PPP3CC: variants seen among roughly 807,000 people sequenced by gnomAD.
The protein encoded by PPP3CC is protein phosphatase 3 catalytic subunit gamma.
A neutral mutation model predicts 60.3 loss-of-function variants in PPP3CC; 35 were observed. The observed-to-expected ratio is 0.58, with a 90% CI of 0.44 to 0.77. PPP3CC has a LOEUF of 0.77. PPP3CC is among the 30% of genes least tolerant of loss of function. The pLI, the probability that PPP3CC is intolerant of heterozygous loss-of-function variation, is 0.00. For synonymous variants in PPP3CC, 206 were observed against 224.3 expected, an observed-to-expected ratio of 0.92 and a Z score of 0.73; for missense variants, 570 against 628.9, an observed-to-expected ratio of 0.91 and a Z score of 1.00.
intron 12 of PPP3CC, among the ~76,000 whole-genome samples, 158 bp downstream of exon 12, chr8:22,533,176 G>GA (rs1301958863): frequency 6.6e-6 from 1 of 152,162 alleles, no homozygotes; most frequent in Non-Finnish European, 1.5e-5. Context: ...CCTCCATACA[G>GA]AAAACCTAAA....
chr8:22,528,729 A>C (rs1289313909), intron 10 of PPP3CC, 152 bp downstream of exon 10: 2 of 591,410 alleles, frequency 3.4e-6, no homozygotes, highest in African/African-American at 3.8e-5. Context: ...AGAAACCATA[A>C]ATAAGGAAAA....
At chr8:22,494,010 G>T (rs1300180129) in intron 3 of PPP3CC, among the ~76,000 whole-genome samples, 3 of 152,098 alleles carry the variant, frequency 2.0e-5, no homozygotes, top group Non-Finnish European at 2.9e-5. Flanking sequence ...CATCACTAGG[G>T]TGTAGGAATT....
rs145783198 is a variant in PPP3CC, at chr8:22,511,067, G to T, written c.485-19G>T. 1.2e-6 allele frequency: 2 copies of T among 1,612,166 alleles called. No individual in the cohort carries two copies. Among genetic ancestry groups the T allele is most frequent in the Non-Finnish European group, 1.7e-6 (2 of 1,178,872 alleles). Reference sequence around the variant, plus strand: ...ATACGTTTTAGTTCTTCCATTGACTGGTTTTCCTTTTTTGTTAGGTCGAAT... The same window carrying T: ...ATACGTTTTAGTTCTTCCATTGACTTGTTTTCCTTTTTTGTTAGGTCGAAT... On this transcript the variant is annotated intron_variant, in intron 4 of 13. Coordinates refer to ENST00000240139, the MANE Select transcript of PPP3CC (RefSeq NM_005605.5).
intron 1 of PPP3CC, among the ~76,000 whole-genome samples, chr8:22,470,569 G>A (rs1324001698): frequency 8.6e-5 from 13 of 152,046 alleles, no homozygotes; most frequent in Admixed American, 6.6e-4. Context: ...CAGTCAATAA[G>A]AAAAGATACT....
chr8:22,475,601 G>T lies in PPP3CC; in HGVS notation c.349G>T (p.Asp117Tyr). 6.2e-7 allele frequency: 1 copy of T among 1,613,370 alleles called. No individual in the cohort carries two copies. The highest frequency in any genetic ancestry group is 8.5e-7 in the Non-Finnish European group (1 of 1,179,490). ...TRYLFLGDYV[D>Y]RGYFSIECVL... ...CTACCTCTTTCTGGGTGACTATGTGGACAGAGGCTATTTCAGTATAGAGGT... is the reference window on the plus strand; with the variant it reads ...CTACCTCTTTCTGGGTGACTATGTGTACAGAGGCTATTTCAGTATAGAGGT... Residue 117 changes from aspartate (D) to tyrosine (Y), a missense_variant, in exon 3 of 14, where the codon GAC becomes TAC. Physicochemically the swap from Asp to Tyr is radical, Grantham distance 160. Coordinates refer to ENST00000240139, the MANE Select transcript of PPP3CC (RefSeq NM_005605.5).
intron 1 of PPP3CC, among the ~76,000 whole-genome samples, chr8:22,461,997 G>A (rs1407069052): frequency 1.3e-5 from 2 of 152,224 alleles, no homozygotes; most frequent in African/African-American, 4.8e-5. Flanking sequence ...TGCATTGGGA[G>A]TCTAGGATGG....
intron 3 of PPP3CC, 39 bp from the exon 4 acceptor site, chr8:22,497,962 G>C: frequency 7.2e-7 from 1 of 1,384,018 alleles, no homozygotes; most frequent in Non-Finnish European, 1.0e-6. Context: ...GCATTATAAT[G>C]GTCACAAAGA....
intron 1 of PPP3CC, among the ~76,000 whole-genome samples, chr8:22,454,681 A>G (rs1837139552): frequency 6.6e-6 from 1 of 152,134 alleles, no homozygotes; most frequent in Admixed American, 6.6e-5. Context: ...CTCCATTATA[A>G]TCTTACAGGA....
chr8:22,450,246 C>T (rs1836971302), intron 1 of PPP3CC, among the ~76,000 whole-genome samples: 1 of 151,974 alleles, frequency 6.6e-6, no homozygotes, highest in Admixed American at 6.6e-5. Context: ...CCAAATATTA[C>T]CCAGACAGTT....
intron 10 of PPP3CC, among the ~76,000 whole-genome samples, chr8:22,529,746 A>G (rs1839653208): frequency 6.6e-6 from 1 of 152,162 alleles, no homozygotes; most frequent in Non-Finnish European, 1.5e-5. Flanking sequence ...CGGTCTCCCA[A>G]AGAGCTGGGA....
At chr8:22,473,853 G>C (rs1278850901) in intron 1 of PPP3CC, among the ~76,000 whole-genome samples, 1 of 152,008 alleles carries the variant, frequency 6.6e-6, no homozygotes, top group East Asian at 1.9e-4. Context: ...GTTATTATCA[G>C]TAACAAAGTA....
At chr8:22,478,621 T>C (rs1837970570) in intron 3 of PPP3CC, among the ~76,000 whole-genome samples, 2 of 152,230 alleles carry the variant, frequency 1.3e-5, no homozygotes, top group Non-Finnish European at 1.5e-5. Flanking sequence ...TTTTGTGTTA[T>C]GCATTTTTTT....
Position 22,481,291 on chromosome 8 carries a change from C to T in PPP3CC, c.372+5667C>T, listed in dbSNP as rs377102947. On this transcript the variant is annotated intron_variant, in intron 3 of 13. Transcript: ENST00000240139. ...CAGAGGTTGCAGTGAGCCAAGATCG[C>T]GCCACTGCACTGCAGCCTGGGCAAC... is the stretch of plus-strand genomic sequence containing the variant. 4.0e-5 allele frequency among the ~76,000 whole-genome samples: 6 copies of T among 151,622 alleles called. No homozygotes were observed. In the East Asian group the frequency reaches 7.8e-4, roughly 20 times the overall value.
chr8:22,540,568 T>C, intron 13 of PPP3CC, 47 bp from the exon 14 acceptor site: 1 of 1,557,668 alleles, frequency 6.4e-7, no homozygotes, highest in Non-Finnish European at 8.7e-7. Flanking sequence ...GCCTGTTGCT[T>C]TGCTGCCTAA....
chr8:22,534,530 A>G (rs1232600157), intron 12 of PPP3CC, among the ~76,000 whole-genome samples: 2 of 152,218 alleles, frequency 1.3e-5, no homozygotes, highest in African/African-American at 4.8e-5. Context: ...CGCTTTAGAA[A>G]ACTACTGGGC....
At chr8:22,499,722 GTTC>G (rs1254012862) in intron 4 of PPP3CC, among the ~76,000 whole-genome samples, 5 of 152,228 alleles carry the variant, frequency 3.3e-5, no homozygotes, top group African/African-American at 1.2e-4. Flanking sequence ...TGCATTTTTA[GTTC>G]TTCTTTTCCC....
intron 8 of PPP3CC, among the ~76,000 whole-genome samples, chr8:22,524,108 A>G (rs1319614250): frequency 3.9e-5 from 6 of 152,332 alleles, no homozygotes; most frequent in African/African-American, 1.4e-4. Flanking sequence ...TGTTGTTCAA[A>G]ATATAAATTA....
intron 4 of PPP3CC, among the ~76,000 whole-genome samples, chr8:22,506,617 A>G (rs571907898): frequency 6.6e-6 from 1 of 152,246 alleles, no homozygotes; most frequent in South Asian, 2.1e-4. Flanking sequence ...GGCAGGAGGC[A>G]CATTATACCC....
At chr8:22,531,715 A>G (rs1839721359) in intron 10 of PPP3CC, among the ~76,000 whole-genome samples, 2 of 152,270 alleles carry the variant, frequency 1.3e-5, no homozygotes, top group Admixed American at 6.5e-5. Context: ...ACTCACTAAT[A>G]TAAGTGAAGC....
Sources: gnomAD v4.1 joint callset for allele counts (sites outside exome capture counted in the v4.1 genomes callset) on GRCh38, gnomAD v4.1.1 for gene constraint, MANE v1.5 for transcripts, NCBI Gene and HGNC (gene_info 2026-07-23, HGNC 2026-07-21) for gene names.